POLN: variants seen among roughly 807,000 people sequenced by gnomAD.
POLN encodes the protein DNA polymerase N.
Under a neutral mutation model 113.5 loss-of-function variants are expected in POLN, and 108 were observed. That is an observed-to-expected ratio of 0.95 (90% CI 0.81 to 1.12). The LOEUF is 1.12. POLN is among the 50% of genes most tolerant of loss of function. The probability of loss-of-function intolerance (pLI) is 0.00; values close to 1 mark genes in which losing one functional copy is unlikely to be tolerated. For synonymous variants in POLN, 386 were observed against 391.5 expected (o/e 0.99, Z 0.17); for missense variants, 1,097 against 1,077.1 (o/e 1.02, Z -0.26).
chr4:2,195,172 A>T (rs1456594696), intron 6 of POLN, among the ~76,000 whole-genome samples: 1 of 152,174 alleles, frequency 6.6e-6, no homozygotes, highest in Non-Finnish European at 1.5e-5. Context: ...TTGAATCTCA[A>T]AGATATAATC....
In POLN at chr4:2,079,504, TTGTGTGTGCG is replaced by T. The variant is rs999831022; in HGVS notation, c.2387+1444_2387+1453del. ...TGAACACGTGTATGGGTGCATGTGC[TTGTGTGTGCG>T]TGTGTGTGCACGTGTGTGTTGGGAA... On this transcript the variant is annotated intron_variant, in intron 23 of 25. Coordinates refer to ENST00000511885, the MANE Select transcript of POLN (RefSeq NM_181808.4). 1.7e-5 allele frequency: 17 copies of T among 985,596 alleles called. No individual in the cohort carries two copies. In the East Asian group the frequency reaches 5.7e-4, roughly 33 times the overall value. 61.1% of individuals were successfully genotyped at this position (985,596 alleles called of 1,614,324 possible). A position where few individuals can be genotyped will look rare whatever the true frequency, so the allele number is the denominator to read the frequency against.
intron 2 of POLN, chr4:2,232,071 T>C (rs1373469529): frequency 6.2e-7 from 1 of 1,601,354 alleles, no homozygotes; most frequent in African/African-American, 1.3e-5. Context: ...AAGTTTTTCT[T>C]TTTGTCTTCA....
intron 2 of POLN, chr4:2,238,745 C>T (rs765975164): frequency 8.1e-6 from 13 of 1,613,654 alleles, no homozygotes; most frequent in Admixed American, 1.7e-5. Context: ...TTCAAGTTGA[C>T]GATATATGTC....
intron 3 of POLN, among the ~76,000 whole-genome samples, chr4:2,226,625 A>G (rs947981993): frequency 4.6e-5 from 7 of 152,240 alleles, no homozygotes; most frequent in Non-Finnish European, 1.0e-4. Context: ...TAACAGTCCA[A>G]TCTTTACTGA....
rs202206471 is a variant in POLN at position 2,208,330 on chromosome 4, T to G, written c.371A>C (p.Gln124Pro). Residue 124 changes from glutamine to proline, a missense_variant, in exon 5 of 26, where the codon CAA (glutamine) becomes CCA (proline). Coordinates refer to ENST00000511885, the MANE Select transcript of POLN (RefSeq NM_181808.4). ...LSSCLIPQYN[Q>P]EASVLQKKGH... ...CTTTTTCTGTAGAACTGAAGCCTCT[T>G]GATTATACTGTGGAATTAAACAACT... 243 of 1,612,846 alleles carry G rather than the reference T, an allele frequency of 1.5e-4. 1 individual carries two copies. The Admixed American group carries it at 1.9e-3, about 13-fold the overall frequency.
intron 21 of POLN, 103 bp downstream of exon 21, chr4:2,085,510 C>T: frequency 6.6e-7 from 1 of 1,506,620 alleles, no homozygotes; most frequent in Non-Finnish European, 9.0e-7. Flanking sequence ...CCAAACCAAC[C>T]TCAGGACCCA....
chr4:2,102,798 G>A (rs1267474564), intron 19 of POLN, among the ~76,000 whole-genome samples: 1 of 152,108 alleles, frequency 6.6e-6, no homozygotes, highest in Non-Finnish European at 1.5e-5. Flanking sequence ...AGAAACCACA[G>A]ATACCACTAA....
At chr4:2,095,386 C>T (rs1425161279) in intron 20 of POLN, among the ~76,000 whole-genome samples, 1 of 152,244 alleles carries the variant, frequency 6.6e-6, no homozygotes, top group Non-Finnish European at 1.5e-5. Context: ...AGGCCTGGCT[C>T]TGCCCTCTCT....
intron 3 of POLN, chr4:2,228,348 CTTTTTTTTTT>C: frequency 5.3e-6 from 1 of 187,982 alleles, no homozygotes; most frequent in Non-Finnish European, 1.1e-5. Context: ...ACTGCTTTCA[CTTTTTTTTTT>C]TTTTTTTTTT....
intron 20 of POLN, chr4:2,090,382 G>T: frequency 1.5e-6 from 1 of 664,590 alleles, no homozygotes; most frequent in Non-Finnish European, 2.6e-6. Context: ...ATAAAAACGA[G>T]CTTGATTAAA....
At chr4:2,238,538 ACT>A in intron 2 of POLN, 3 of 1,049,830 alleles carry the variant, frequency 2.9e-6, no homozygotes, top group Non-Finnish European at 2.6e-6. Context: ...TTTAGCTCAA[ACT>A]CTCTCTAGTA....
intron 19 of POLN, among the ~76,000 whole-genome samples, chr4:2,119,885 CT>C (rs1421058533): frequency 2.6e-5 from 4 of 152,116 alleles, no homozygotes; most frequent in Non-Finnish European, 5.9e-5. Context: ...CTAAAAGCTT[CT>C]TATTTTTGAA....
rs1019564785 is a variant in POLN at position 2,239,432 on chromosome 4, T to C, written c.-13+2088A>G. 3.9e-5 allele frequency among the ~76,000 whole-genome samples: 6 copies of C among 152,246 alleles called. No homozygotes were observed. The East Asian group carries it at 9.6e-4, about 24-fold the overall frequency. ...TGATTTTAGCACTTCTACGTAATTA[T>C]TGGATTTCCTATATCATTCAAATGT... On this transcript the variant is annotated intron_variant, in intron 2 of 25. Transcript: ENST00000511885.
chr4:2,155,743 T>C (rs1262191662), intron 16 of POLN, among the ~76,000 whole-genome samples: 2 of 152,196 alleles, frequency 1.3e-5, no homozygotes, highest in African/African-American at 4.8e-5. Context: ...AATTTAAATA[T>C]AGATTCAAAT....
intron 5 of POLN, among the ~76,000 whole-genome samples, chr4:2,203,187 C>A (rs1733758289): frequency 6.6e-6 from 1 of 152,128 alleles, no homozygotes; most frequent in Admixed American, 6.6e-5. Context: ...TAAATCAACT[C>A]CAAAAGGAAC....
chr4:2,137,964 G>A (rs571127095), intron 16 of POLN, among the ~76,000 whole-genome samples: 73 of 152,126 alleles, frequency 4.8e-4, no homozygotes, highest in South Asian at 8.3e-4. Flanking sequence ...TCAGCCTCCC[G>A]AGTAGCTGGG....
chr4:2,087,774 G>A (rs1368007649), intron 20 of POLN, among the ~76,000 whole-genome samples: 2 of 151,938 alleles, frequency 1.3e-5, no homozygotes, highest in African/African-American at 4.8e-5. Context: ...GTTATATATT[G>A]GATATCATGC....
intron 17 of POLN, among the ~76,000 whole-genome samples, chr4:2,130,884 A>T (rs35617074): frequency 3.3e-5 from 5 of 152,322 alleles, no homozygotes; most frequent in Admixed American, 1.3e-4. Context: ...GTAACTTTTT[A>T]AAAAATGTTA....
rs1003875054 is a variant in POLN at position 2,239,311 on chromosome 4, G to C, written c.-13+2209C>G. On this transcript the variant is annotated intron_variant, in intron 2 of 25. Coordinates refer to ENST00000511885, the MANE Select transcript of POLN (RefSeq NM_181808.4). ...GATCTTATTATACTTCTTTTAATCA[G>C]AATCATTATTAATAGGACACTATTC... Among the ~76,000 whole-genome samples the C allele has an allele frequency of 4.6e-5, 7 of 152,096 alleles. 1 individual carries two copies. The highest frequency in any genetic ancestry group is 3.9e-4 in the Admixed American group (6 of 15,268).
Sources: allele counts gnomAD v4.1 joint callset (sites outside exome capture counted in the v4.1 genomes callset), GRCh38; gene constraint gnomAD v4.1.1; transcripts MANE v1.5; gene names NCBI Gene and HGNC (gene_info 2026-07-23, HGNC 2026-07-21).